LOC128462377: variants seen among roughly 807,000 people sequenced by gnomAD.
chr16:89,405,042 T>G, the LOC128462377 span, among the ~76,000 whole-genome samples: 2 of 152,176 alleles, frequency 1.3e-5, no homozygotes, highest in South Asian at 2.1e-4. Flanking sequence ...ACCAGAGCCA[T>G]GGCCCACAAC....
At chr16:89,396,329 C>T in the LOC128462377 span, among the ~76,000 whole-genome samples, 6 of 152,228 alleles carry the variant, frequency 3.9e-5, no homozygotes, top group African/African-American at 1.2e-4. Flanking sequence ...GGGTCACCTC[C>T]AGATGTGGAC....
the LOC128462377 span, among the ~76,000 whole-genome samples, chr16:89,364,210 C>G: frequency 1.3e-5 from 2 of 152,230 alleles, no homozygotes; most frequent in Admixed American, 1.3e-4. Flanking sequence ...CCTGTGCCCT[C>G]AGGCAACATG....
chr16:89,381,256 C>T, the LOC128462377 span, among the ~76,000 whole-genome samples: 3 of 147,198 alleles, frequency 2.0e-5, no homozygotes, highest in Middle Eastern at 3.6e-3. Flanking sequence ...TGCTTGAACC[C>T]GGGAGGCGGA....
chr16:89,347,287 T>C, the LOC128462377 span, among the ~76,000 whole-genome samples: 12 of 152,174 alleles, frequency 7.9e-5, no homozygotes, highest in Admixed American at 2.0e-4. Context: ...TGTACCTGTA[T>C]GTGTGTACGT....
the LOC128462377 span, among the ~76,000 whole-genome samples, chr16:89,414,076 C>T: frequency 6.6e-6 from 1 of 152,200 alleles, no homozygotes; most frequent in Non-Finnish European, 1.5e-5. Flanking sequence ...ATGCCACAGG[C>T]ACAGCTGCTC....
At chr16:89,411,356 G>C in the LOC128462377 span, among the ~76,000 whole-genome samples, 17 of 152,354 alleles carry the variant, frequency 1.1e-4, no homozygotes, top group East Asian at 2.7e-3. Context: ...CACCGGAAGA[G>C]GAGCAGGCTG....
chr16:89,388,700 C>A, the LOC128462377 span, among the ~76,000 whole-genome samples: 2 of 152,116 alleles, frequency 1.3e-5, no homozygotes, highest in Non-Finnish European at 2.9e-5. Flanking sequence ...GCGGACAGGA[C>A]GTCATCCACA....
chr16:89,359,692 C>A, the LOC128462377 span, among the ~76,000 whole-genome samples: 1 of 152,306 alleles, frequency 6.6e-6, no homozygotes, highest in Admixed American at 6.5e-5. Context: ...GAAGCAGGAA[C>A]TGGGTAACTG....
At chr16:89,376,353 C>G in the LOC128462377 span, among the ~76,000 whole-genome samples, 3 of 152,218 alleles carry the variant, frequency 2.0e-5, no homozygotes, top group Admixed American at 2.0e-4. Context: ...GGAGAAGCAG[C>G]TTCTGCCAAC....
At chr16:89,322,391 C>T in the LOC128462377 span, among the ~76,000 whole-genome samples, 2 of 152,150 alleles carry the variant, frequency 1.3e-5, no homozygotes, top group South Asian at 4.1e-4. Flanking sequence ...AAGTTAATAA[C>T]TCCACCAACC....
At chr16:89,386,006 G>A in the LOC128462377 span, among the ~76,000 whole-genome samples, 1 of 152,230 alleles carries the variant, frequency 6.6e-6, no homozygotes, top group Non-Finnish European at 1.5e-5. Flanking sequence ...CAGCCTCCCA[G>A]GTAGCTGGGA....
the LOC128462377 span, among the ~76,000 whole-genome samples, chr16:89,373,805 G>A: frequency 6.6e-6 from 1 of 152,192 alleles, no homozygotes; most frequent in African/African-American, 2.4e-5. Context: ...CCTGACAGAC[G>A]CCTGTGTAGG....
At chr16:89,394,698 C>A in the LOC128462377 span, among the ~76,000 whole-genome samples, 1 of 151,720 alleles carries the variant, frequency 6.6e-6, no homozygotes, top group Non-Finnish European at 1.5e-5. Context: ...CTCAATAAAA[C>A]CTGCGAAGAC....
chr16:89,368,826 G>A, the LOC128462377 span, among the ~76,000 whole-genome samples: 1 of 152,150 alleles, frequency 6.6e-6, no homozygotes, highest in Non-Finnish European at 1.5e-5. Context: ...GCTTGAGCCA[G>A]GAGGTTGACG....
At chr16:89,366,001 G>C in the LOC128462377 span, among the ~76,000 whole-genome samples, 1 of 151,896 alleles carries the variant, frequency 6.6e-6, no homozygotes, top group Non-Finnish European at 1.5e-5. Context: ...AAGGATAAGG[G>C]CCTCCAGGCT....
the LOC128462377 span, among the ~76,000 whole-genome samples, chr16:89,365,767 C>T: frequency 6.6e-6 from 1 of 152,020 alleles, no homozygotes; most frequent in Non-Finnish European, 1.5e-5. Context: ...CGTAGGTAAA[C>T]TTGTGTCATC....
chr16:89,341,198 G>A, the LOC128462377 span, among the ~76,000 whole-genome samples: 1 of 152,196 alleles, frequency 6.6e-6, no homozygotes, highest in Non-Finnish European at 1.5e-5. Flanking sequence ...AGATGGGTGA[G>A]ATCCGCGGAG....
chr16:89,407,116 G>A, the LOC128462377 span, among the ~76,000 whole-genome samples: 571 of 152,172 alleles, frequency 3.8e-3, 10 homozygotes, highest in Admixed American at 0.028. Flanking sequence ...TACTCGGGAG[G>A]CGGAGGAGGC....
chr16:89,359,901 T>C, the LOC128462377 span, among the ~76,000 whole-genome samples: 1 of 152,192 alleles, frequency 6.6e-6, no homozygotes, highest in African/African-American at 2.4e-5. Context: ...TTTATATGTT[T>C]TTTAACTTTT....
Sources: allele counts gnomAD v4.1 joint callset (sites outside exome capture counted in the v4.1 genomes callset), GRCh38; gene constraint gnomAD v4.1.1; transcripts MANE v1.5.